FHIP1A: variants seen among roughly 807,000 people sequenced by gnomAD.
FHIP1A encodes the protein FHF complex subunit HOOK interacting protein 1A, also known as FHF complex subunit HOOK-interacting protein 1A.
Under a neutral mutation model 88.6 loss-of-function variants are expected in FHIP1A, and 61 were observed. The observed-to-expected ratio is 0.69, with a 90% CI of 0.56 to 0.85. The LOEUF is 0.85. Among genes scored for constraint, FHIP1A ranks in the 40% least tolerant of loss-of-function variants. The probability of loss-of-function intolerance (pLI) is 0.00; values close to 1 mark genes in which losing one functional copy is unlikely to be tolerated. For synonymous variants in FHIP1A, 478 were observed against 496.0 expected (o/e 0.96, Z 0.48); for missense variants, 1,154 against 1,273.5 (o/e 0.91, Z 1.43).
At chr4:151,455,164 A>G (rs1234394396) in intron 2 of FHIP1A, among the ~76,000 whole-genome samples, 2 of 152,242 alleles carry the variant, frequency 1.3e-5, no homozygotes, top group Admixed American at 6.5e-5. Flanking sequence ...AATTAATTTT[A>G]CACACACAAC....
At chr4:151,540,501 T>A (rs1309925956) in intron 3 of FHIP1A, among the ~76,000 whole-genome samples, 1 of 152,206 alleles carries the variant, frequency 6.6e-6, no homozygotes, top group Non-Finnish European at 1.5e-5. Flanking sequence ...AAAATCGACA[T>A]TTTATCTTCC....
chr4:151,462,065 G>A (rs902404997), intron 2 of FHIP1A, among the ~76,000 whole-genome samples: 1 of 152,196 alleles, frequency 6.6e-6, no homozygotes, highest in Non-Finnish European at 1.5e-5. Flanking sequence ...GGGAGGCTGA[G>A]TTGGTAGGAC....
At chr4:151,496,313 C>G (rs193206505) in intron 3 of FHIP1A, among the ~76,000 whole-genome samples, 1 of 151,434 alleles carries the variant, frequency 6.6e-6, no homozygotes, top group East Asian at 1.9e-4. Flanking sequence ...ACAAAAGCAC[C>G]ACAAAGCTTA....
intron 5 of FHIP1A, 31 bp from the exon 6 acceptor site, chr4:151,586,610 G>GCA: frequency 1.3e-6 from 2 of 1,519,294 alleles, no homozygotes; most frequent in Non-Finnish European, 8.9e-7. Flanking sequence ...CTTTGGAAAA[G>GCA]CATTTATTTT....
chr4:151,516,718 C>T, intron 3 of FHIP1A, among the ~76,000 whole-genome samples: 1 of 152,128 alleles, frequency 6.6e-6, no homozygotes, highest in South Asian at 2.1e-4. Flanking sequence ...CCATTACTGG[C>T]TATCAGAGAA....
intron 3 of FHIP1A, among the ~76,000 whole-genome samples, chr4:151,492,500 G>A (rs1730319226): frequency 6.6e-6 from 1 of 151,628 alleles, no homozygotes. Flanking sequence ...GTTGAGACAG[G>A]AGAATTGCTT....
At chr4:151,616,911 C>A (rs796244949) in intron 7 of FHIP1A, among the ~76,000 whole-genome samples, 3 of 152,134 alleles carry the variant, frequency 2.0e-5, no homozygotes, top group African/African-American at 7.2e-5. Context: ...CCACACCCAG[C>A]TAATTTTTGT....
At position 151,656,668 on chromosome 4, in the gene FHIP1A, C is replaced by G; in HGVS notation, c.2731-92C>G. The G allele has an allele frequency of 2.2e-6, 3 of 1,351,438 alleles. No homozygotes were observed. The highest frequency in any genetic ancestry group is 3.0e-6 in the Non-Finnish European group (3 of 989,270). 83.7% of individuals were successfully genotyped at this position (1,351,438 alleles called of 1,614,324 possible). A position where few individuals can be genotyped will look rare whatever the true frequency, so the allele number is the denominator to read the frequency against. The stretch of plus-strand genomic sequence containing the variant: ...CAAATGTCTAACATCATAATAGTTC[C>G]CATAATGAGGGTGCTACCTGCAAGA... On this transcript the variant is annotated intron_variant, in intron 12 of 13. Transcript: ENST00000435205. The surrounding 1 kb of genome is among the most constrained non-coding windows in gnomAD (Gnocchi z 4.2).
intron 9 of FHIP1A, among the ~76,000 whole-genome samples, chr4:151,644,426 A>G (rs1578855511): frequency 6.6e-6 from 1 of 151,982 alleles, no homozygotes; most frequent in East Asian, 1.9e-4. Flanking sequence ...GTCATAGCAC[A>G]CTGCAGCCTC....
At chr4:151,598,325 C>T (rs777653868) in intron 7 of FHIP1A, among the ~76,000 whole-genome samples, 5 of 152,178 alleles carry the variant, frequency 3.3e-5, no homozygotes, top group African/African-American at 4.8e-5. Flanking sequence ...TGAGGCAATG[C>T]CCCACCCTGC....
intron 3 of FHIP1A, among the ~76,000 whole-genome samples, chr4:151,554,575 G>A (rs116438010): frequency 0.011 from 1,648 of 152,242 alleles, 25 homozygotes; most frequent in African/African-American, 0.037. Flanking sequence ...TTTGTTCAGC[G>A]TAGTGTTTTT....
At position 151,578,455 on chromosome 4, in the gene FHIP1A, C is replaced by T. The variant is rs182962618; in HGVS notation, c.732+379C>T. On this transcript the variant is annotated intron_variant, in intron 5 of 13. Coordinates refer to ENST00000435205, the MANE Select transcript of FHIP1A (RefSeq NM_001109977.3). The stretch of plus-strand genomic sequence containing the variant: ...GGAATCATGGCATGTGATAAGACCT[C>T]CACTGCTAGTTTCACAAAGTAATTT... Among the ~76,000 whole-genome samples the T allele has an allele frequency of 1.4e-3, 218 of 152,288 alleles. 1 individual carries two copies. Among genetic ancestry groups the T allele is most frequent in the African/African-American group, 4.7e-3 (194 of 41,554 alleles).
At chr4:151,531,176 C>T (rs1362059199) in intron 3 of FHIP1A, among the ~76,000 whole-genome samples, 1 of 151,924 alleles carries the variant, frequency 6.6e-6, no homozygotes, top group Non-Finnish European at 1.5e-5. Context: ...GCCAGCAACC[C>T]TTTCAAATAG....
At chr4:151,468,733 T>A (rs1729411852) in intron 2 of FHIP1A, among the ~76,000 whole-genome samples, 1 of 152,204 alleles carries the variant, frequency 6.6e-6, no homozygotes, top group South Asian at 2.1e-4. Context: ...ATTTTCTGCT[T>A]AACTTACCAG....
chr4:151,509,368 C>T (rs531222392), intron 3 of FHIP1A, among the ~76,000 whole-genome samples: 67 of 151,958 alleles, frequency 4.4e-4, no homozygotes, highest in Non-Finnish European at 7.1e-4. Context: ...AGTTTCATCA[C>T]ATTAGCCAGG....
At chr4:151,487,630 C>T (rs1242860941) in intron 3 of FHIP1A, among the ~76,000 whole-genome samples, 1 of 152,246 alleles carries the variant, frequency 6.6e-6, no homozygotes, top group South Asian at 2.1e-4. Flanking sequence ...TCACCATCAA[C>T]CATCAACCAA....
At chr4:151,512,130 G>A (rs376669460) in intron 3 of FHIP1A, among the ~76,000 whole-genome samples, 3 of 152,208 alleles carry the variant, frequency 2.0e-5, no homozygotes, top group African/African-American at 2.4e-5. Context: ...CGTGGATCAC[G>A]AAAATCCGCT....
At chr4:151,428,166 A>C (rs768602976) in intron 1 of FHIP1A, among the ~76,000 whole-genome samples, 6 of 148,000 alleles carry the variant, frequency 4.1e-5, no homozygotes, top group Non-Finnish European at 8.8e-5. Flanking sequence ...GGTATAACAC[A>C]ATTTTTCAGG....
intron 13 of FHIP1A, 100 bp from the exon 14 acceptor site, chr4:151,662,401 A>C: frequency 7.0e-6 from 9 of 1,293,108 alleles, no homozygotes; most frequent in Non-Finnish European, 7.3e-6. Context: ...TCATAACTAG[A>C]TACTCTCCAG....
Sources: gnomAD v4.1 joint callset for allele counts (sites outside exome capture counted in the v4.1 genomes callset) on GRCh38, gnomAD v4.1.1 for gene constraint, Gnocchi (gnomAD v3.1) non-coding constraint, MANE v1.5 for transcripts, NCBI Gene and HGNC (gene_info 2026-07-23, HGNC 2026-07-21) for gene names.